Variants in SETD2 observed in about 807,000 individuals in gnomAD.
The protein encoded by SETD2 is histone-lysine N-methyltransferase SETD2.
Under a neutral mutation model 242.1 loss-of-function variants are expected in SETD2, and 31 were observed. That is an observed-to-expected ratio of 0.13 (90% CI 0.10 to 0.17). SETD2 has a LOEUF of 0.17. SETD2 is among the 10% of genes least tolerant of loss of function. SETD2 has a pLI of 1.00. For missense variants in SETD2, 2,481 were observed against 3,046.3 expected (o/e 0.81, Z 4.37); for synonymous variants, 1,006 against 1,066.5 (o/e 0.94, Z 1.11).
Position 47,121,757 on chromosome 3 carries a change from T to C in SETD2, c.2879A>G (p.Gln960Arg). 6.2e-7 allele frequency: 1 copy of C among 1,614,168 alleles called. No homozygotes were observed. The highest frequency in any genetic ancestry group is 8.5e-7 in the Non-Finnish European group (1 of 1,180,018). Residue 960 changes from glutamine (Q) to arginine (R), a missense_variant, in exon 3 of 21, where the codon CAA becomes CGA. This residue lies in a region of SETD2 where 1,300 missense variants were observed against 1,259.2 expected (regional missense o/e 1.03). Transcript: ENST00000409792. ...RNNGLSGKCL[Q>R]EAQEEGNSIL... ...GGAATTCCCTTCTTCTTGAGCCTCT[T>C]GCAAACATTTCCCAGATAACCCATT...
chr3:47,038,338 G>A (rs1185063168), intron 17 of SETD2, among the ~76,000 whole-genome samples: 2 of 152,156 alleles, frequency 1.3e-5, no homozygotes, highest in African/African-American at 4.8e-5. Context: ...CCCTGGCCAG[G>A]CATGGTGGCT....
chr3:47,124,540 A>T lies in SETD2; in HGVS notation c.96T>A (p.Ile32=), dbSNP rs1478318675. The part of the protein sequence containing the change: ...TPEEEENEAK[I]ENVQKTGFIK... ...TGAAACCTGTTTTCTGCACATTTTC[A>T]ATCTTTGCCTACAAATGAACAAAAT... Residue 32 remains isoleucine, a synonymous_variant, in exon 3 of 21, where the codon ATT becomes ATA. Transcript: ENST00000409792. 4 of 1,539,808 alleles carry T rather than the reference A, an allele frequency of 2.6e-6. No individual in the cohort carries two copies. Among genetic ancestry groups the T allele is most frequent in the Non-Finnish European group, 3.5e-6 (4 of 1,139,894 alleles).
intron 1 of SETD2, among the ~76,000 whole-genome samples, chr3:47,138,770 T>C (rs778670691): frequency 3.9e-5 from 6 of 152,080 alleles, no homozygotes; most frequent in Admixed American, 6.6e-5. Flanking sequence ...TTCACCATGT[T>C]GGCCAGGCTG....
In SETD2 at chr3:47,037,654, A is replaced by C; in HGVS notation, c.7350+12T>G. The C allele has an allele frequency of 6.3e-7, 1 of 1,593,586 alleles. No homozygotes were observed. Among genetic ancestry groups the C allele is most frequent in the Non-Finnish European group, 8.6e-7 (1 of 1,161,542 alleles). On this transcript the variant is annotated intron_variant, in intron 18 of 20. Transcript: ENST00000409792. ...CAAATGATCAGGAAATACATGTGTAAGCCACACTCACCTTCATGGGGTTTT... is the reference window on the plus strand; with the variant it reads ...CAAATGATCAGGAAATACATGTGTACGCCACACTCACCTTCATGGGGTTTT...
intron 3 of SETD2, chr3:47,119,923 T>G (rs993438594): frequency 4.6e-6 from 2 of 431,548 alleles, no homozygotes; most frequent in South Asian, 6.0e-5. Context: ...TAGCCTAAAT[T>G]GTACCTTGAA....
At chr3:47,050,569 G>A (rs1575690092) in intron 15 of SETD2, among the ~76,000 whole-genome samples, 1 of 151,776 alleles carries the variant, frequency 6.6e-6, no homozygotes, top group Non-Finnish European at 1.5e-5. Context: ...GGAAATACTC[G>A]CTGGAATATT....
intron 12 of SETD2, among the ~76,000 whole-genome samples, chr3:47,068,729 T>C (rs888958597): frequency 6.6e-6 from 1 of 152,204 alleles, no homozygotes; most frequent in Non-Finnish European, 1.5e-5. Context: ...ACTCCTGATC[T>C]CATGATCTTC....
At chr3:47,157,407 T>C (rs1320724325) in intron 1 of SETD2, 6 of 441,030 alleles carry the variant, frequency 1.4e-5, no homozygotes, top group Non-Finnish European at 1.8e-5. Flanking sequence ...TCCCTAAAAA[T>C]AAAAAATTAA....
intron 15 of SETD2, among the ~76,000 whole-genome samples, chr3:47,053,163 C>T (rs1393975602): frequency 1.3e-5 from 2 of 152,088 alleles, no homozygotes; most frequent in Non-Finnish European, 2.9e-5. Flanking sequence ...GCTGGGATTA[C>T]AGGAGTGAGC....
At chr3:47,083,591 C>T (rs2041408844) in intron 12 of SETD2, 129 bp downstream of exon 12, 1 of 857,246 alleles carries the variant, frequency 1.2e-6, no homozygotes, top group East Asian at 2.4e-5. Flanking sequence ...ATAAATAAAA[C>T]AGTAAGAGAG....
In SETD2 at chr3:47,059,853, A is replaced by C. The variant is rs559198867; in HGVS notation, c.6293+2310T>G. Reference sequence around the variant, plus strand: ...AGGCTGGAGTGCATGGTGTGTTCTCACCTCACTGCAACCTCTGCCTCCTGG... The same window carrying C: ...AGGCTGGAGTGCATGGTGTGTTCTCCCCTCACTGCAACCTCTGCCTCCTGG... On this transcript the variant is annotated intron_variant, in intron 14 of 20. Coordinates refer to ENST00000409792, the MANE Select transcript of SETD2 (RefSeq NM_014159.7). 1.8e-4 allele frequency among the ~76,000 whole-genome samples: 27 copies of C among 152,016 alleles called. No homozygotes were observed. The South Asian group carries it at 5.6e-3, about 32-fold the overall frequency.
Position 47,067,048 on chromosome 3 carries a change from C to T in SETD2, c.6109+22G>A, listed in dbSNP as rs760814080. 4.4e-6 allele frequency: 7 copies of T among 1,580,462 alleles called. No individual in the cohort carries two copies. The African/African-American group carries it at 8.1e-5, about 18-fold the overall frequency. On this transcript the variant is annotated intron_variant, in intron 13 of 20. Coordinates refer to ENST00000409792, the MANE Select transcript of SETD2 (RefSeq NM_014159.7). ...AAGAATATTTGTAAAGCCATCAACA[C>T]AGAGTATCTCTGAATACCTACTTGT...
intron 15 of SETD2, chr3:47,046,855 A>G (rs1024336934): frequency 6.5e-6 from 2 of 307,552 alleles, no homozygotes; most frequent in Non-Finnish European, 1.2e-5. Context: ...TAAGAAAATA[A>G]AAGCTTTTTT....
chr3:47,028,524 G>C (rs1412755891), intron 18 of SETD2, among the ~76,000 whole-genome samples: 1 of 152,156 alleles, frequency 6.6e-6, no homozygotes, highest in Non-Finnish European at 1.5e-5. Context: ...ACCCGACAAA[G>C]ATTAAGAACA....
At chr3:47,143,804 G>A (rs1421762858) in intron 1 of SETD2, among the ~76,000 whole-genome samples, 4 of 151,872 alleles carry the variant, frequency 2.6e-5, no homozygotes, top group African/African-American at 9.7e-5. Flanking sequence ...TCCACCTCCC[G>A]GGTTCATGCC....
chr3:47,081,819 G>A (rs1218132784), intron 12 of SETD2, among the ~76,000 whole-genome samples: 1 of 152,162 alleles, frequency 6.6e-6, no homozygotes, highest in Non-Finnish European at 1.5e-5. Context: ...TTCTAGATGG[G>A]TAATGATTCC....
At position 47,098,113 on chromosome 3, in the gene SETD2, A is replaced by T. The variant is rs1264814064; in HGVS notation, c.5016-32T>A. The T allele has an allele frequency of 1.9e-6, 3 of 1,612,124 alleles. No homozygotes were observed. In the African/African-American group the frequency reaches 4.0e-5, roughly 22 times the overall value. On this transcript the variant is annotated intron_variant, in intron 8 of 20. Coordinates refer to ENST00000409792, the MANE Select transcript of SETD2 (RefSeq NM_014159.7). ...AAAGAGCATAGGAAAGAAGTCAGCT[A>T]TGTGGAAGTAAACCATACAAAACTG...
intron 1 of SETD2, among the ~76,000 whole-genome samples, chr3:47,134,000 T>C (rs1208165231): frequency 6.6e-6 from 1 of 152,020 alleles, no homozygotes; most frequent in Non-Finnish European, 1.5e-5. Flanking sequence ...AGCCCAGAGG[T>C]AGGATAGCAG....
At chr3:47,140,145 C>T (rs1196513671) in intron 1 of SETD2, among the ~76,000 whole-genome samples, 2 of 152,154 alleles carry the variant, frequency 1.3e-5, no homozygotes, top group East Asian at 1.9e-4. Flanking sequence ...AAGCTAATCT[C>T]AAATGTGTCA....
Sources: gnomAD v4.1 joint callset for allele counts (sites outside exome capture counted in the v4.1 genomes callset) on GRCh38, gnomAD v4.1.1 for gene constraint, gnomAD v4.1.1 regional missense constraint, MANE v1.5 for transcripts, NCBI Gene and HGNC (gene_info 2026-07-23, HGNC 2026-07-21) for gene names.